RNF175: variants seen among roughly 807,000 people sequenced by gnomAD.
RNF175 encodes ring finger protein 175.
A neutral mutation model predicts 50.0 loss-of-function variants in RNF175; 38 were observed. The ratio of observed to expected loss-of-function variants is 0.76; its 90% confidence interval spans 0.59 to 1.00. The LOEUF is 1.00. Among genes scored for constraint, RNF175 ranks in the 50% least tolerant of loss-of-function variants. The probability of loss-of-function intolerance (pLI) is 0.00; values close to 1 mark genes in which losing one functional copy is unlikely to be tolerated. For synonymous variants in RNF175, 155 were observed against 146.1 expected, an observed-to-expected ratio of 1.06 and a Z score of -0.44; for missense variants, 388 against 409.6, an observed-to-expected ratio of 0.95 and a Z score of 0.46.
intron 4 of RNF175, among the ~76,000 whole-genome samples, chr4:153,723,719 C>T (rs895093050): frequency 3.3e-4 from 51 of 152,252 alleles, no homozygotes; most frequent in African/African-American, 1.2e-3. Flanking sequence ...TCATGTGCTT[C>T]ACTTAAAAAT....
chr4:153,759,712 C>A, intron 1 of RNF175, 85 bp downstream of exon 1: 2 of 895,494 alleles, frequency 2.2e-6, no homozygotes, highest in Non-Finnish European at 3.2e-6. Flanking sequence ...GTCTTGGAGA[C>A]CAGTCTGTGC....
intron 3 of RNF175, among the ~76,000 whole-genome samples, chr4:153,737,020 G>A (rs991241023): frequency 3.3e-5 from 5 of 152,024 alleles, no homozygotes; most frequent in Admixed American, 6.6e-5. Context: ...CATGATGCCT[G>A]GCTAATTTTC....
chr4:153,720,242 C>T lies in RNF175; in HGVS notation c.572G>A (p.Gly191Glu). 1 of 1,612,028 alleles carries T rather than the reference C, an allele frequency of 6.2e-7. No homozygotes were observed. Among genetic ancestry groups the T allele is most frequent in the South Asian group, 1.1e-5 (1 of 90,968 alleles). ...CTCGGCAAAGTCTCTCCCCATTACT[C>T]CATAGTAGAGGCCGTAGAACAAAGA... ...IVSLFYGLYY[G>E]VMGRDFAEIC... The change falls in exon 6 of 9, where the codon GGA (glycine) becomes GAA (glutamate). Residue 191 changes from glycine (G) to glutamate (E), a missense_variant. Physicochemically the swap from Gly to Glu is moderately conservative, Grantham distance 98. Transcript: ENST00000347063.
chr4:153,730,464 C>A (rs1395216365), intron 3 of RNF175, among the ~76,000 whole-genome samples: 2 of 151,944 alleles, frequency 1.3e-5, no homozygotes, highest in Non-Finnish European at 1.5e-5. Context: ...TAACAAAAAT[C>A]TTATCAGCAT....
chr4:153,720,834 G>A (rs1738293481), intron 5 of RNF175, among the ~76,000 whole-genome samples: 1 of 152,234 alleles, frequency 6.6e-6, no homozygotes, highest in South Asian at 2.1e-4. Flanking sequence ...AGCTTGTTAA[G>A]TGATTGATTC....
chr4:153,753,385 T>G (rs934582177), intron 1 of RNF175, among the ~76,000 whole-genome samples: 2 of 151,544 alleles, frequency 1.3e-5, no homozygotes. Flanking sequence ...GGAGGGAGAG[T>G]AGAGGACACT....
intron 6 of RNF175, among the ~76,000 whole-genome samples, chr4:153,716,386 G>C: frequency 6.6e-6 from 1 of 152,106 alleles, no homozygotes. Context: ...GGAGTAAACC[G>C]AGGCATCTCT....
intron 3 of RNF175, among the ~76,000 whole-genome samples, chr4:153,740,779 G>C (rs906368456): frequency 6.6e-6 from 1 of 152,134 alleles, no homozygotes; most frequent in Non-Finnish European, 1.5e-5. Flanking sequence ...CTTCTAGCAT[G>C]ACTTGTAATA....
chr4:153,716,133 C>T (rs1170252407), intron 6 of RNF175, among the ~76,000 whole-genome samples: 2 of 151,532 alleles, frequency 1.3e-5, no homozygotes, highest in South Asian at 2.1e-4. Context: ...GACACCGTTT[C>T]CTGTAAGAAG....
At chr4:153,746,844 C>CT (rs1427221865) in intron 3 of RNF175, among the ~76,000 whole-genome samples, 1 of 152,234 alleles carries the variant, frequency 6.6e-6, no homozygotes, top group Non-Finnish European at 1.5e-5. Flanking sequence ...CCTTTGAAAT[C>CT]TAAGTGGAGG....
At chr4:153,743,544 G>C (rs1016121077) in intron 3 of RNF175, among the ~76,000 whole-genome samples, 1 of 152,108 alleles carries the variant, frequency 6.6e-6, no homozygotes, top group African/African-American at 2.4e-5. Context: ...CTTGACTATG[G>C]TGGGGGCAAC....
chr4:153,741,783 G>A lies in RNF175; in HGVS notation c.246+6862C>T, dbSNP rs569652373. On this transcript the variant is annotated intron_variant, in intron 3 of 8. Transcript: ENST00000347063. ...AAATATTAGGAAACAAAGGCTCCTT[G>A]TGGTTAAATGAGTAGATAGAATCTT... 2.6e-5 allele frequency among the ~76,000 whole-genome samples: 4 copies of A among 152,236 alleles called. No homozygotes were observed. The South Asian group carries it at 8.3e-4, about 32-fold the overall frequency.
In RNF175 at chr4:153,745,046, A is replaced by G. The variant is rs199870715; in HGVS notation, c.246+3599T>C. 8.5e-5 allele frequency among the ~76,000 whole-genome samples: 13 copies of G among 152,346 alleles called. No individual in the cohort carries two copies. The East Asian group carries it at 2.1e-3, about 25-fold the overall frequency. On this transcript the variant is annotated intron_variant, in intron 3 of 8. Transcript: ENST00000347063. ...AAATAATATATTGGTCTAAGTCAAC[A>G]CTTCATATGTTGCAGGCAAGTTGAG...
chr4:153,729,817 A>G, intron 3 of RNF175: 1 of 985,070 alleles, frequency 1.0e-6, no homozygotes, highest in Non-Finnish European at 1.2e-6. Context: ...TGAGGTGAGT[A>G]TCTGAGGAGT....
intron 3 of RNF175, among the ~76,000 whole-genome samples, chr4:153,743,297 A>T (rs1351067532): frequency 6.6e-6 from 1 of 152,214 alleles, no homozygotes; most frequent in African/African-American, 2.4e-5. Flanking sequence ...AATGCAAAGC[A>T]TGGGGCAAAG....
At chr4:153,714,128 C>T (rs943694103) in intron 7 of RNF175, 11 of 152,152 alleles carry the variant, frequency 7.2e-5, no homozygotes, top group African/African-American at 2.7e-4. Flanking sequence ...GTACAACAAT[C>T]CCTAAGGGCT....
chr4:153,755,751 G>C (rs1382817931), intron 1 of RNF175, among the ~76,000 whole-genome samples: 1 of 150,348 alleles, frequency 6.7e-6, no homozygotes, highest in Non-Finnish European at 1.5e-5. Flanking sequence ...AAATTTCCAA[G>C]GACTGAAAGA....
intron 3 of RNF175, among the ~76,000 whole-genome samples, chr4:153,729,136 C>G (rs1171543109): frequency 6.6e-6 from 1 of 152,216 alleles, no homozygotes; most frequent in Non-Finnish European, 1.5e-5. Context: ...CTAGTCACCC[C>G]TCTTGGGAAA....
chr4:153,720,387 G>T, intron 5 of RNF175, 83 bp from the exon 6 acceptor site: 2 of 1,107,434 alleles, frequency 1.8e-6, no homozygotes, highest in Non-Finnish European at 2.7e-6. Context: ...CCTGTTGATG[G>T]TATCTAAGAG....
Sources: gnomAD v4.1 joint callset for allele counts (sites outside exome capture counted in the v4.1 genomes callset) on GRCh38, gnomAD v4.1.1 for gene constraint, MANE v1.5 for transcripts, NCBI Gene and HGNC (gene_info 2026-07-23, HGNC 2026-07-21) for gene names.